UBE2E2: variants seen among roughly 807,000 people sequenced by gnomAD.
UBE2E2 encodes the protein ubiquitin-conjugating enzyme E2 E2.
Under a neutral mutation model 24.7 loss-of-function variants are expected in UBE2E2, and 6 were observed. The ratio of observed to expected loss-of-function variants is 0.24; its 90% CI spans 0.13 to 0.48. The LOEUF is 0.48. Ranked by LOEUF, UBE2E2 falls within the 20% of genes least tolerant of loss-of-function variation. The pLI, the probability that UBE2E2 is intolerant of heterozygous loss-of-function variation, is 0.99. For missense variants in UBE2E2, 169 were observed against 245.0 expected (o/e 0.69, Z 2.07); for synonymous variants, 104 against 83.6 (o/e 1.24, Z -1.33).
chr3:23,375,474 TATAA>T, intron 3 of UBE2E2, among the ~76,000 whole-genome samples: 1 of 152,160 alleles, frequency 6.6e-6, no homozygotes, highest in Non-Finnish European at 1.5e-5. Context: ...TCAATGAATT[TATAA>T]TCTGGCGAGA....
At chr3:23,572,502 T>C (rs955134319) in intron 5 of UBE2E2, among the ~76,000 whole-genome samples, 4 of 152,196 alleles carry the variant, frequency 2.6e-5, no homozygotes, top group Admixed American at 1.3e-4. Context: ...TAATACCCAA[T>C]AGGAAGTTTC....
chr3:23,354,015 C>T (rs1003504689), intron 3 of UBE2E2, among the ~76,000 whole-genome samples: 2 of 152,330 alleles, frequency 1.3e-5, no homozygotes, highest in African/African-American at 4.8e-5. Flanking sequence ...ACCAAAGCAG[C>T]ATGGTACTGG....
intron 3 of UBE2E2, among the ~76,000 whole-genome samples, chr3:23,312,765 A>G (rs1054759480): frequency 6.6e-6 from 1 of 152,082 alleles, no homozygotes; most frequent in East Asian, 1.9e-4. Flanking sequence ...CTCTTTCTGT[A>G]TCCCATAGGT....
intron 3 of UBE2E2, among the ~76,000 whole-genome samples, chr3:23,418,131 G>A (rs1002158798): frequency 2.0e-5 from 3 of 152,198 alleles, no homozygotes; most frequent in Admixed American, 2.0e-4. Flanking sequence ...AGCTAGCTTG[G>A]TGTCTGCACA....
intron 3 of UBE2E2, among the ~76,000 whole-genome samples, chr3:23,302,240 A>G (rs182419149): frequency 3.9e-4 from 59 of 152,156 alleles, no homozygotes; most frequent in Admixed American, 3.8e-3. Flanking sequence ...AGTGGTTCTT[A>G]TTTCCTGCCT....
chr3:23,365,929 G>A (rs960670032), intron 3 of UBE2E2, among the ~76,000 whole-genome samples: 5 of 152,058 alleles, frequency 3.3e-5, no homozygotes, highest in African/African-American at 1.2e-4. Context: ...AGACCAATGA[G>A]ACTGAATAGA....
intron 3 of UBE2E2, among the ~76,000 whole-genome samples, chr3:23,302,345 C>T (rs756391021): frequency 1.3e-5 from 2 of 152,244 alleles, no homozygotes; most frequent in Non-Finnish European, 2.9e-5. Context: ...GTTATTACTA[C>T]AAGTTAGGAA....
chr3:23,401,935 C>A (rs1451952739), intron 3 of UBE2E2, among the ~76,000 whole-genome samples: 1 of 147,366 alleles, frequency 6.8e-6, no homozygotes, highest in Non-Finnish European at 1.5e-5. Context: ...CAGCTCTCTG[C>A]AACCTCTACC....
At chr3:23,303,163 A>G (rs1446466818) in intron 3 of UBE2E2, among the ~76,000 whole-genome samples, 22 of 151,982 alleles carry the variant, frequency 1.4e-4, no homozygotes, top group Admixed American at 1.4e-3. Context: ...TCCTTATTAG[A>G]ATCTAATGCA....
rs1218868397 is a variant in UBE2E2 at position 23,280,111 on chromosome 3, A to G, written c.227+62799A>G. On this transcript the variant is annotated intron_variant, in intron 3 of 5. Transcript: ENST00000396703. The surrounding 1 kb of genome is among the most constrained non-coding windows in gnomAD (Gnocchi z 4.3). The stretch of plus-strand genomic sequence containing the variant: ...CCACGGTAAGGTTCAAATTACTGAT[A>G]TCACATTCTTTTTTGAGGAAGCTTT... 6.6e-6 allele frequency among the ~76,000 whole-genome samples: 1 copy of G among 152,236 alleles called. No individual in the cohort carries two copies. Among genetic ancestry groups the G allele is most frequent in the African/African-American group, 2.4e-5 (1 of 41,458 alleles).
At chr3:23,452,581 T>C (rs1698584803) in intron 3 of UBE2E2, among the ~76,000 whole-genome samples, 1 of 152,242 alleles carries the variant, frequency 6.6e-6, no homozygotes, top group South Asian at 2.1e-4. Flanking sequence ...TGATTTAGAA[T>C]AACACTGTAA....
In UBE2E2 at chr3:23,407,766, C is replaced by T. The variant is rs556150519; in HGVS notation, c.228-91842C>T. Among the ~76,000 whole-genome samples the T allele has an allele frequency of 1.1e-4, 17 of 151,630 alleles. No individual in the cohort carries two copies. In the South Asian group the frequency reaches 3.6e-3, roughly 32 times the overall value. The stretch of plus-strand genomic sequence containing the variant: ...TGTACATCTCAAATAAAACCTAAAA[C>T]TTTGAGGTCTGTTACCTCTGCCTCT... On this transcript the variant is annotated intron_variant, in intron 3 of 5. Coordinates refer to ENST00000396703, the MANE Select transcript of UBE2E2 (RefSeq NM_152653.4). The surrounding 1 kb of genome is among the most constrained non-coding windows in gnomAD (Gnocchi z 4.0).
chr3:23,436,918 G>A (rs771894319), intron 3 of UBE2E2, among the ~76,000 whole-genome samples: 30 of 152,118 alleles, frequency 2.0e-4, no homozygotes, highest in African/African-American at 6.5e-4. Context: ...CTATGAGCTG[G>A]GTGCTACAAG....
intron 5 of UBE2E2, among the ~76,000 whole-genome samples, chr3:23,578,960 G>C (rs1299803184): frequency 1.3e-5 from 2 of 152,060 alleles, no homozygotes; most frequent in South Asian, 4.1e-4. Flanking sequence ...TACTACTACT[G>C]GTTGATAATA....
intron 4 of UBE2E2, among the ~76,000 whole-genome samples, chr3:23,504,409 C>T (rs1316779729): frequency 6.6e-6 from 1 of 152,134 alleles, no homozygotes; most frequent in African/African-American, 2.4e-5. Flanking sequence ...CATATAATTA[C>T]ACATTTTTAT....
intron 3 of UBE2E2, among the ~76,000 whole-genome samples, chr3:23,271,440 G>C (rs1192338932): frequency 6.6e-6 from 1 of 152,204 alleles, no homozygotes; most frequent in Non-Finnish European, 1.5e-5. Context: ...AAAGAACAAA[G>C]CTTCCACAGC....
chr3:23,393,389 G>A (rs1181370339), intron 3 of UBE2E2, among the ~76,000 whole-genome samples: 3 of 152,162 alleles, frequency 2.0e-5, no homozygotes, highest in Non-Finnish European at 2.9e-5. Flanking sequence ...CTGATAAGAA[G>A]TTTAGAGCAG....
chr3:23,261,486 T>G (rs1334482264), intron 3 of UBE2E2, among the ~76,000 whole-genome samples: 1 of 152,126 alleles, frequency 6.6e-6, no homozygotes, highest in Non-Finnish European at 1.5e-5. Flanking sequence ...GAGAGAACAT[T>G]AGGATGTACT....
intron 3 of UBE2E2, among the ~76,000 whole-genome samples, chr3:23,399,268 G>A (rs149647884): frequency 2.5e-4 from 38 of 152,170 alleles, no homozygotes; most frequent in Non-Finnish European, 5.3e-4. Flanking sequence ...TATTTAAATT[G>A]CCAGCATCAT....
Sources: gnomAD v4.1 joint callset for allele counts (sites outside exome capture counted in the v4.1 genomes callset) on GRCh38, gnomAD v4.1.1 for gene constraint, Gnocchi (gnomAD v3.1) non-coding constraint, MANE v1.5 for transcripts, NCBI Gene and HGNC (gene_info 2026-07-23, HGNC 2026-07-21) for gene names.